The following CDK8 variants were observed in gnomAD, a reference collection of about 807,000 sequenced individuals.
CDK8 encodes cyclin dependent kinase 8.
A neutral mutation model predicts 71.5 loss-of-function variants in CDK8; 29 were observed. The observed-to-expected ratio is 0.41, with a 90% CI of 0.30 to 0.55. The LOEUF (loss-of-function observed/expected upper bound fraction) is 0.55, where lower values mean the gene tolerates loss of function less well. CDK8 is among the 20% of genes least tolerant of loss of function. CDK8 has a pLI of 0.37. For missense variants in CDK8, 288 were observed against 572.6 expected, an observed-to-expected ratio of 0.50 and a Z score of 5.07; for synonymous variants, 161 against 192.1, an observed-to-expected ratio of 0.84 and a Z score of 1.34.
chr13:26,315,640 A>T (rs1049619541), intron 1 of CDK8, among the ~76,000 whole-genome samples: 1 of 152,158 alleles, frequency 6.6e-6, no homozygotes, highest in Non-Finnish European at 1.5e-5. Context: ...CCAATTTAGC[A>T]TTGTGGTTGA....
At chr13:26,342,741 C>T (rs1873296744) in intron 2 of CDK8, among the ~76,000 whole-genome samples, 1 of 152,172 alleles carries the variant, frequency 6.6e-6, no homozygotes, top group Non-Finnish European at 1.5e-5. Context: ...CAACAAAACA[C>T]CACCACCAAC....
At chr13:26,268,256 AACACACACAC>A (rs3027999) in intron 1 of CDK8, among the ~76,000 whole-genome samples, 5,223 of 116,712 alleles carry the variant, frequency 0.045, 136 homozygotes, top group African/African-American at 0.057. Context: ...CCCCTCCCCC[AACACACACAC>A]ACACACACAC....
rs541261555 is a variant in CDK8 at position 26,276,499 on chromosome 13, A to G, written c.128+21730A>G. Among the ~76,000 whole-genome samples the G allele has an allele frequency of 1.8e-4, 28 of 152,338 alleles. No individual in the cohort carries two copies. The East Asian group carries it at 5.2e-3, about 28-fold the overall frequency. ...CAGAGATCTTTTTGTAACATAAGGCAATGGATGCAAAACAAGTTTTCCAGC... is the reference window on the plus strand; with the variant it reads ...CAGAGATCTTTTTGTAACATAAGGCGATGGATGCAAAACAAGTTTTCCAGC... On this transcript the variant is annotated intron_variant, in intron 1 of 12. Transcript: ENST00000381527.
At chr13:26,282,614 T>TCAAA (rs2137887824) in intron 1 of CDK8, among the ~76,000 whole-genome samples, 1 of 152,240 alleles carries the variant, frequency 6.6e-6, no homozygotes, top group African/African-American at 2.4e-5. Context: ...TAGAACCTTC[T>TCAAA]CAAAGCGTAA....
intron 1 of CDK8, among the ~76,000 whole-genome samples, chr13:26,336,800 T>C (rs549003832): frequency 8.5e-5 from 13 of 152,060 alleles, no homozygotes; most frequent in Non-Finnish European, 1.5e-4. Flanking sequence ...GTGATCTGCC[T>C]GCCTTGGCCT....
intron 4 of CDK8, among the ~76,000 whole-genome samples, chr13:26,380,211 ACT>A (rs1875151859): frequency 6.6e-6 from 1 of 151,938 alleles, no homozygotes; most frequent in Admixed American, 6.5e-5. Flanking sequence ...ACTGAGTCTC[ACT>A]CTGTCACACA....
At chr13:26,376,955 G>A (rs1265171472) in intron 4 of CDK8, among the ~76,000 whole-genome samples, 1 of 152,186 alleles carries the variant, frequency 6.6e-6, no homozygotes, top group African/African-American at 2.4e-5. Context: ...GGTAGGGTTA[G>A]TAGAATGGAT....
intron 1 of CDK8, among the ~76,000 whole-genome samples, chr13:26,278,531 T>C (rs1459123706): frequency 6.6e-6 from 1 of 152,138 alleles, no homozygotes; most frequent in African/African-American, 2.4e-5. Flanking sequence ...GGCAGTGCCA[T>C]TAACTGAGAG....
intron 1 of CDK8, among the ~76,000 whole-genome samples, chr13:26,262,126 G>A (rs1471460104): frequency 1.3e-5 from 2 of 152,170 alleles, no homozygotes; most frequent in African/African-American, 4.8e-5. Context: ...TGTACTGACA[G>A]CCTCAGAAAA....
At chr13:26,284,909 A>G (rs532139813) in intron 1 of CDK8, among the ~76,000 whole-genome samples, 2 of 150,416 alleles carry the variant, frequency 1.3e-5, no homozygotes, top group East Asian at 2.0e-4. Context: ...ACCACATACC[A>G]ATATCCCTGA....
chr13:26,266,040 T>C (rs544898852), intron 1 of CDK8, among the ~76,000 whole-genome samples: 2 of 152,068 alleles, frequency 1.3e-5, no homozygotes, highest in Non-Finnish European at 2.9e-5. Flanking sequence ...TGTTGATTTA[T>C]TGGATATGAT....
chr13:26,318,056 A>AG (rs1491178509), intron 1 of CDK8, among the ~76,000 whole-genome samples: 2 of 152,106 alleles, frequency 1.3e-5, no homozygotes, highest in Non-Finnish European at 2.9e-5. Context: ...GAAAAAAAAA[A>AG]GAGCAGACTT....
intron 4 of CDK8, among the ~76,000 whole-genome samples, chr13:26,369,715 T>G (rs1484222938): frequency 1.4e-5 from 2 of 141,398 alleles, no homozygotes; most frequent in Admixed American, 7.1e-5. Context: ...CTTTCTTTTT[T>G]TTTTTTTTTT....
chr13:26,271,400 G>A (rs1220207897), intron 1 of CDK8, among the ~76,000 whole-genome samples: 1 of 152,176 alleles, frequency 6.6e-6, no homozygotes, highest in Non-Finnish European at 1.5e-5. Context: ...CTACAAGCCT[G>A]TACAGTATGT....
chr13:26,389,902 G>T (rs1875666030), intron 6 of CDK8, among the ~76,000 whole-genome samples: 1 of 152,140 alleles, frequency 6.6e-6, no homozygotes, highest in African/African-American at 2.4e-5. Context: ...GGAAGCTGAG[G>T]CAGGAGAATT....
chr13:26,294,223 C>T (rs932234070), intron 1 of CDK8, among the ~76,000 whole-genome samples: 1 of 151,890 alleles, frequency 6.6e-6, no homozygotes, highest in Non-Finnish European at 1.5e-5. Context: ...CCTCAGACTC[C>T]TGCGCTCAAG....
At chr13:26,330,291 C>T (rs1016979366) in intron 1 of CDK8, among the ~76,000 whole-genome samples, 19 of 152,134 alleles carry the variant, frequency 1.2e-4, no homozygotes, top group Non-Finnish European at 2.4e-4. Flanking sequence ...CTGCAACCTC[C>T]GTCTCCTGGG....
At chr13:26,395,165 A>G (rs1166955235) in intron 7 of CDK8, among the ~76,000 whole-genome samples, 3 of 152,226 alleles carry the variant, frequency 2.0e-5, no homozygotes, top group Admixed American at 1.3e-4. Flanking sequence ...AGTAAGTTCA[A>G]AGAAAAGCAA....
intron 1 of CDK8, among the ~76,000 whole-genome samples, chr13:26,328,211 A>G (rs1184356892): frequency 6.6e-6 from 1 of 152,230 alleles, no homozygotes; most frequent in Non-Finnish European, 1.5e-5. Flanking sequence ...TTATGATCTT[A>G]CACATTATCA....
Sources: gnomAD v4.1 joint callset for allele counts (sites outside exome capture counted in the v4.1 genomes callset) on GRCh38, gnomAD v4.1.1 for gene constraint, MANE v1.5 for transcripts, NCBI Gene and HGNC (gene_info 2026-07-23, HGNC 2026-07-21) for gene names.